Variants in ROBO2 observed in about 807,000 individuals in gnomAD.
ROBO2 encodes roundabout homolog 2.
ROBO2 carries 53 observed loss-of-function variants against 160.8 expected under a neutral mutation model. The ratio of observed to expected loss-of-function variants is 0.33; its 90% CI spans 0.26 to 0.41. The LOEUF is 0.41. ROBO2 is among the 10% of genes least tolerant of loss of function. The pLI is 1.00. For synonymous variants in ROBO2, 664 were observed against 611.7 expected, an observed-to-expected ratio of 1.09 and a Z score of -1.26; for missense variants, 1,577 against 1,722.4, an observed-to-expected ratio of 0.92 and a Z score of 1.49.
chr3:76,008,238 A>C (rs1193872245), intron 2 of ROBO2, among the ~76,000 whole-genome samples: 2 of 149,184 alleles, frequency 1.3e-5, no homozygotes, highest in Non-Finnish European at 1.5e-5. Context: ...CTGTCAAAAA[A>C]AAAAAAAAAA....
rs565846696 is a variant in ROBO2, at chr3:77,080,574, C to G, written c.62-17440C>G. Among the ~76,000 whole-genome samples, 5 of 152,142 alleles carry G rather than the reference C, an allele frequency of 3.3e-5. No individual in the cohort carries two copies. The South Asian group carries it at 1.0e-3, about 32-fold the overall frequency. ...TAATCTCCCTCTCCATTTATCAATG[C>G]CATAATGTTAATTAGTACTTCATTC... is the stretch of plus-strand genomic sequence containing the variant. On this transcript the variant is annotated intron_variant, in intron 1 of 25. Transcript: ENST00000461745.
At position 76,479,435 on chromosome 3, in the gene ROBO2, G is replaced by C. The variant is rs1410320814; in HGVS notation, c.109+541833G>C. On this transcript the variant is annotated intron_variant, in intron 2 of 26. Transcript: ENST00000487694. ...CTGCCTTTCCTATCTTGTTTTATAA[G>C]CTTCAGTGACAGAATGTAAATGGAC... 2.6e-5 allele frequency among the ~76,000 whole-genome samples: 4 copies of C among 152,070 alleles called. No homozygotes were observed. In the East Asian group the frequency reaches 7.8e-4, roughly 29 times the overall value.
At chr3:76,718,518 C>A (rs1310495212) in intron 2 of ROBO2, among the ~76,000 whole-genome samples, 1 of 152,166 alleles carries the variant, frequency 6.6e-6, no homozygotes, top group Admixed American at 6.5e-5. Flanking sequence ...TCTCAATTTT[C>A]ATCTTGGAAC....
chr3:77,290,326 AC>A (rs1455727539), intron 2 of ROBO2, among the ~76,000 whole-genome samples: 1 of 99,522 alleles, frequency 1.0e-5, no homozygotes, highest in Non-Finnish European at 2.1e-5. Context: ...AGGCTAGATC[AC>A]CCCAGACATA....
chr3:76,059,889 C>T (rs1435019578), intron 2 of ROBO2, among the ~76,000 whole-genome samples: 1 of 152,088 alleles, frequency 6.6e-6, no homozygotes, highest in African/African-American at 2.4e-5. Flanking sequence ...TTTCCTAGCA[C>T]CATTTATTAA....
intron 2 of ROBO2, among the ~76,000 whole-genome samples, chr3:76,844,365 T>C (rs2068582672): frequency 6.6e-6 from 1 of 152,006 alleles, no homozygotes; most frequent in East Asian, 1.9e-4. Flanking sequence ...TTAGAATATA[T>C]AGAAAGATCT....
intron 2 of ROBO2, among the ~76,000 whole-genome samples, chr3:77,334,998 G>T (rs1378314034): frequency 6.6e-6 from 1 of 152,164 alleles, no homozygotes; most frequent in Non-Finnish European, 1.5e-5. Context: ...CAAACTAAAA[G>T]AAGTTAAAAC....
intron 2 of ROBO2, among the ~76,000 whole-genome samples, chr3:77,285,781 A>G (rs9309765): frequency 0.14 from 21,168 of 152,170 alleles, 1,766 homozygotes; most frequent in East Asian, 0.36. Context: ...AAACAAAAAG[A>G]AAAAATAAAC....
chr3:76,601,351 C>T (rs558611654), intron 2 of ROBO2, among the ~76,000 whole-genome samples: 8 of 152,302 alleles, frequency 5.3e-5, no homozygotes, highest in East Asian at 1.9e-4. Flanking sequence ...TCCAACCCCA[C>T]GTTTCCCTTC....
At chr3:75,924,987 G>A (rs1947229474) in intron 1 of ROBO2, among the ~76,000 whole-genome samples, 1 of 151,606 alleles carries the variant, frequency 6.6e-6, no homozygotes, top group East Asian at 2.0e-4. Context: ...CGCGCCGGCC[G>A]GGAATTTATT....
chr3:76,177,064 T>C (rs1278856210), intron 2 of ROBO2, among the ~76,000 whole-genome samples: 2 of 152,202 alleles, frequency 1.3e-5, no homozygotes, highest in Admixed American at 1.3e-4. Flanking sequence ...TTGTTTTCAG[T>C]GAATGCAATT....
chr3:77,180,431 T>G, intron 2 of ROBO2, among the ~76,000 whole-genome samples: 1 of 119,836 alleles, frequency 8.3e-6, no homozygotes, highest in African/African-American at 2.9e-5. Context: ...TATATATATA[T>G]GTATTTTTTT....
At chr3:76,820,284 T>C (rs2066004890) in intron 2 of ROBO2, among the ~76,000 whole-genome samples, 1 of 152,042 alleles carries the variant, frequency 6.6e-6, no homozygotes, top group Non-Finnish European at 1.5e-5. Flanking sequence ...TAAAAGAGGA[T>C]ACAACTTATA....
chr3:76,275,002 T>C (rs1707837039), intron 2 of ROBO2, among the ~76,000 whole-genome samples: 1 of 152,156 alleles, frequency 6.6e-6, no homozygotes, highest in Non-Finnish European at 1.5e-5. Context: ...CATATACTCT[T>C]TTCTGAAATA....
chr3:77,013,404 CA>C (rs2062034188), intron 2 of ROBO2, among the ~76,000 whole-genome samples: 1 of 151,318 alleles, frequency 6.6e-6, no homozygotes, highest in East Asian at 1.9e-4. Context: ...GGTTGTGAGG[CA>C]AAAAAGAAGG....
At chr3:77,088,029 C>G (rs1578853545) in intron 1 of ROBO2, among the ~76,000 whole-genome samples, 1 of 152,090 alleles carries the variant, frequency 6.6e-6, no homozygotes. Flanking sequence ...GTCACTGGGG[C>G]CCACTTGCTC....
chr3:77,116,919 C>T (rs1317978941), intron 2 of ROBO2, among the ~76,000 whole-genome samples: 1 of 152,158 alleles, frequency 6.6e-6, no homozygotes, highest in African/African-American at 2.4e-5. Flanking sequence ...CAGTGTAGTC[C>T]ATCATCTGAG....
At chr3:76,302,677 C>T (rs1006492524) in intron 2 of ROBO2, among the ~76,000 whole-genome samples, 1 of 152,090 alleles carries the variant, frequency 6.6e-6, no homozygotes, top group African/African-American at 2.4e-5. Context: ...AGTCCACTAA[C>T]TGGTGTACAG....
intron 2 of ROBO2, among the ~76,000 whole-genome samples, chr3:76,967,363 G>T (rs568810229): frequency 6.6e-6 from 1 of 151,258 alleles, no homozygotes; most frequent in East Asian, 1.9e-4. Flanking sequence ...GTGCAACCAC[G>T]CCCAGCTAAT....
Sources: allele counts gnomAD v4.1 joint callset (sites outside exome capture counted in the v4.1 genomes callset), GRCh38; gene constraint gnomAD v4.1.1; transcripts MANE v1.5; gene names NCBI Gene and HGNC (gene_info 2026-07-23, HGNC 2026-07-21).